The following FAM184B variants were observed in gnomAD, a reference collection of about 807,000 sequenced individuals.
The protein encoded by FAM184B is family with sequence similarity 184 member B.
Under a neutral mutation model 135.9 loss-of-function variants are expected in FAM184B, and 111 were observed. That is an observed-to-expected ratio of 0.82 (90% confidence interval 0.70 to 0.96). The LOEUF (loss-of-function observed/expected upper bound fraction) is 0.96, where lower values mean the gene tolerates loss of function less well. FAM184B is among the 40% of genes least tolerant of loss of function. FAM184B has a pLI of 0.00. For missense variants in FAM184B, 1,375 were observed against 1,323.9 expected (o/e 1.04, Z -0.60); for synonymous variants, 552 against 524.8 (o/e 1.05, Z -0.71).
intron 12 of FAM184B, among the ~76,000 whole-genome samples, chr4:17,645,246 C>CA (rs1300619528): frequency 1.3e-5 from 2 of 152,010 alleles, no homozygotes; most frequent in Admixed American, 6.6e-5. Flanking sequence ...CATATGGATC[C>CA]AAAAAAGAGC....
intron 11 of FAM184B, among the ~76,000 whole-genome samples, chr4:17,652,063 G>A (rs935625540): frequency 6.6e-6 from 1 of 151,708 alleles, no homozygotes; most frequent in African/African-American, 2.4e-5. Flanking sequence ...TAATGATGAT[G>A]ATGATAATGA....
chr4:17,638,965 T>C (rs1715229316), intron 14 of FAM184B, among the ~76,000 whole-genome samples: 1 of 151,474 alleles, frequency 6.6e-6, no homozygotes, highest in African/African-American at 2.4e-5. Context: ...GCCTCCAGAG[T>C]AGCTGGGATT....
chr4:17,746,797 G>C (rs1015432911), intron 1 of FAM184B, among the ~76,000 whole-genome samples: 1 of 151,716 alleles, frequency 6.6e-6, no homozygotes, highest in Non-Finnish European at 1.5e-5. Context: ...CAGCACTTTG[G>C]GAGGCTGAGG....
intron 1 of FAM184B, among the ~76,000 whole-genome samples, chr4:17,745,080 C>A (rs996016967): frequency 7.9e-5 from 12 of 152,230 alleles, no homozygotes; most frequent in African/African-American, 2.4e-4. Flanking sequence ...CCTTCTCTAA[C>A]CTTCAGGGGG....
intron 9 of FAM184B, among the ~76,000 whole-genome samples, chr4:17,658,834 C>G (rs762322182): frequency 1.3e-5 from 2 of 152,084 alleles, no homozygotes; most frequent in Non-Finnish European, 2.9e-5. Context: ...CAGGGACCCA[C>G]GTGGCAGCCC....
At chr4:17,778,235 G>A (rs1718970231) in intron 1 of FAM184B, among the ~76,000 whole-genome samples, 1 of 152,186 alleles carries the variant, frequency 6.6e-6, no homozygotes, top group East Asian at 1.9e-4. Flanking sequence ...AAATTAGATT[G>A]GCAGTAGAAT....
chr4:17,643,166 A>G (rs1004719815), intron 12 of FAM184B, among the ~76,000 whole-genome samples: 1 of 152,192 alleles, frequency 6.6e-6, no homozygotes, highest in Non-Finnish European at 1.5e-5. Flanking sequence ...AACAGATGGA[A>G]AAATGCATTC....
chr4:17,639,526 C>G (rs538881681), intron 13 of FAM184B, 130 bp from the exon 14 acceptor site: 1 of 1,109,558 alleles, frequency 9.0e-7, no homozygotes, highest in Non-Finnish European at 1.3e-6. Context: ...GATCTAAGGA[C>G]ACCTGTGGGA....
At chr4:17,751,232 C>T (rs1009877428) in intron 1 of FAM184B, among the ~76,000 whole-genome samples, 6 of 145,536 alleles carry the variant, frequency 4.1e-5, no homozygotes, top group Admixed American at 7.2e-5. Context: ...CACTTGAACC[C>T]GGGAGGTGGA....
intron 1 of FAM184B, among the ~76,000 whole-genome samples, chr4:17,743,524 CCT>C (rs1718091752): frequency 2.0e-5 from 3 of 152,156 alleles, no homozygotes; most frequent in Admixed American, 6.5e-5. Context: ...CAGCCATTTT[CCT>C]CTCTCCCTCT....
intron 1 of FAM184B, among the ~76,000 whole-genome samples, chr4:17,769,149 A>G (rs906381783): frequency 1.3e-5 from 2 of 151,562 alleles, no homozygotes; most frequent in African/African-American, 4.9e-5. Flanking sequence ...CAATCTCCAT[A>G]CAACAGAATA....
At chr4:17,723,060 T>C (rs1294577844) in intron 1 of FAM184B, among the ~76,000 whole-genome samples, 2 of 152,200 alleles carry the variant, frequency 1.3e-5, no homozygotes, top group African/African-American at 2.4e-5. Context: ...AGCTTTTGTG[T>C]GCAGATCTAA....
At position 17,633,675 on chromosome 4, in the gene FAM184B, A is replaced by C. The variant is rs752679659; in HGVS notation, c.3089+14T>G. 4 of 1,499,932 alleles carry C rather than the reference A, an allele frequency of 2.7e-6. No individual in the cohort carries two copies. The African/African-American group carries it at 5.7e-5, about 21-fold the overall frequency. The allele number at this position is 1,499,932 out of a possible 1,614,324, so 92.9% of individuals were successfully genotyped here. A position where few individuals can be genotyped will look rare whatever the true frequency, so the allele number is the denominator to read the frequency against. On this transcript the variant is annotated intron_variant, in intron 17 of 17. Coordinates refer to ENST00000265018, the MANE Select transcript of FAM184B (RefSeq NM_015688.2). ...AAATAGAATAAGGGCCCCTGTCCCCAACATCCCCCAAACCTTGTGGCAGTT... is the reference window on the plus strand; with the variant it reads ...AAATAGAATAAGGGCCCCTGTCCCCCACATCCCCCAAACCTTGTGGCAGTT...
chr4:17,709,770 G>C, intron 1 of FAM184B, 126 bp from the exon 2 acceptor site: 1 of 840,932 alleles, frequency 1.2e-6, no homozygotes, highest in Non-Finnish European at 1.7e-6. Context: ...AAGAGGATTT[G>C]CGTGCAGGGG....
At chr4:17,640,533 A>G (rs1715280797) in intron 13 of FAM184B, among the ~76,000 whole-genome samples, 1 of 151,908 alleles carries the variant, frequency 6.6e-6, no homozygotes, top group African/African-American at 2.4e-5. Flanking sequence ...GCTCAAAGCA[A>G]TTTTGGGCCA....
chr4:17,743,146 G>T (rs947619330), intron 1 of FAM184B, among the ~76,000 whole-genome samples: 1 of 152,212 alleles, frequency 6.6e-6, no homozygotes, highest in African/African-American at 2.4e-5. Flanking sequence ...GAGGTCAAGA[G>T]AACTATCCTG....
In FAM184B at chr4:17,693,292, C is replaced by T. The variant is rs1446133029; in HGVS notation, c.1488+10G>A. The T allele has an allele frequency of 1.3e-6, 2 of 1,545,830 alleles. No homozygotes were observed. Among genetic ancestry groups the T allele is most frequent in the South Asian group, 1.2e-5 (1 of 83,848 alleles). ...CAGCACCCCAAGGCTTGCATTTGGT[C>T]AGGGCTCACCTCAAGCAGAGAATTC... On this transcript the variant is annotated intron_variant, in intron 6 of 17. Coordinates refer to ENST00000265018, the MANE Select transcript of FAM184B (RefSeq NM_015688.2).
Position 17,781,395 on chromosome 4 carries a change from T to C in FAM184B, c.-96A>G. On this transcript the variant is annotated 5_prime_UTR_variant, in exon 1 of 18. Transcript: ENST00000265018. This position sits in a 1 kb window ranked among gnomAD's most constrained non-coding sequence, Gnocchi z 6.5. ...GCGGGCGTGCGAGCGTGTGGGTTTC[T>C]CGGGAGAGGTGGCACTGCAGTCCCG... is the stretch of plus-strand genomic sequence containing the variant. 7.3e-7 allele frequency: 1 copy of C among 1,376,780 alleles called. No individual in the cohort carries two copies. Among genetic ancestry groups the C allele is most frequent in the Non-Finnish European group, 9.5e-7 (1 of 1,056,716 alleles). 85.3% of individuals were successfully genotyped at this position (1,376,780 alleles called of 1,614,324 possible). A position where few individuals can be genotyped will look rare whatever the true frequency, so the allele number is the denominator to read the frequency against.
chr4:17,680,400 T>C (rs763240136), intron 7 of FAM184B, among the ~76,000 whole-genome samples: 1 of 152,112 alleles, frequency 6.6e-6, no homozygotes, highest in Non-Finnish European at 1.5e-5. Context: ...ACATGTTCAA[T>C]GATAATGATG....
Sources: allele counts gnomAD v4.1 joint callset (sites outside exome capture counted in the v4.1 genomes callset), GRCh38; gene constraint gnomAD v4.1.1; non-coding constraint Gnocchi (gnomAD v3.1); transcripts MANE v1.5; gene names NCBI Gene and HGNC (gene_info 2026-07-23, HGNC 2026-07-21).